The following CD300LD variants were observed in gnomAD, a reference collection of about 807,000 sequenced individuals.
CD300LD encodes CD300 molecule like family member d, also known as CMRF35-like molecule 5.
A neutral mutation model predicts 20.3 loss-of-function variants in CD300LD; 18 were observed. That is an observed-to-expected ratio of 0.89 (90% CI 0.61 to 1.32). The LOEUF (loss-of-function observed/expected upper bound fraction) is 1.32, where lower values mean the gene tolerates loss of function less well. Ranked by LOEUF, CD300LD falls within the 40% of genes most tolerant of loss-of-function variation. The probability of loss-of-function intolerance (pLI) is 0.00; values close to 1 mark genes in which losing one functional copy is unlikely to be tolerated. For synonymous variants in CD300LD, 104 were observed against 90.1 expected, an observed-to-expected ratio of 1.15 and a Z score of -0.87; for missense variants, 195 against 226.6, an observed-to-expected ratio of 0.86 and a Z score of 0.90.
At chr17:74,590,334 C>T (rs560174460) in intron 1 of CD300LD, among the ~76,000 whole-genome samples, 2 of 152,116 alleles carry the variant, frequency 1.3e-5, no homozygotes, top group South Asian at 2.1e-4. Flanking sequence ...TACTCAGTCT[C>T]GGGTATGTCC....
Position 74,592,163 on chromosome 17 carries a change from C to T in CD300LD, c.40G>A (p.Gly14Ser), listed in dbSNP as rs2030336228. ...GCCTTAAAGCTCCAGCCACACTCAC[C>T]TGGGAGGATGAGAAGCAGCAGAGAT... ...SPSLLLLILP[G>S]YSIAAKITGP... is the part of the protein sequence containing the mutation. Residue 14 changes from glycine (G) to serine (S), a missense_variant and splice_region_variant, in exon 1 of 4, where the codon GGT becomes AGT. Transcript: ENST00000375352. 6.2e-7 allele frequency: 1 copy of T among 1,614,192 alleles called. No individual in the cohort carries two copies. The highest frequency in any genetic ancestry group is 1.3e-5 in the African/African-American group (1 of 75,042).
In CD300LD at chr17:74,579,956, G is replaced by A. The variant is rs199922683; in HGVS notation, c.*46C>T. 4.6e-4 allele frequency: 565 copies of A among 1,219,784 alleles called. No homozygotes were observed. The highest frequency in any genetic ancestry group is 3.0e-3 in the Middle Eastern group (16 of 5,326). 75.6% of individuals were successfully genotyped at this position (1,219,784 alleles called of 1,614,324 possible). A position where few individuals can be genotyped will look rare whatever the true frequency, so the allele number is the denominator to read the frequency against. ...GAGGGCCTTTCGCCCTGGACAGGAC[G>A]TCAATGGGCATTGGGACTCTCATCA... On this transcript the variant is annotated 3_prime_UTR_variant, in exon 4 of 4. Coordinates refer to ENST00000375352, the MANE Select transcript of CD300LD (RefSeq NM_001115152.2).
At chr17:74,588,962 A>G in intron 1 of CD300LD, 113 bp from the exon 2 acceptor site, 1 of 707,102 alleles carries the variant, frequency 1.4e-6, no homozygotes, top group Non-Finnish European at 2.4e-6. Context: ...CAAGGAAGCA[A>G]TACATTTTCC....
intron 2 of CD300LD, 63 bp from the exon 3 acceptor site, chr17:74,582,374 C>A: frequency 1.4e-6 from 2 of 1,390,886 alleles, no homozygotes; most frequent in Non-Finnish European, 2.0e-6. Flanking sequence ...TGGCTGTGGC[C>A]CTAAGGCTTC....
chr17:74,581,555 G>A (rs1196040397), intron 3 of CD300LD, among the ~76,000 whole-genome samples: 2 of 152,192 alleles, frequency 1.3e-5, no homozygotes, highest in African/African-American at 2.4e-5. Flanking sequence ...GGGTGAGAAC[G>A]CCAAACTTCC....
intron 2 of CD300LD, among the ~76,000 whole-genome samples, chr17:74,585,253 G>A (rs950895979): frequency 6.6e-6 from 1 of 152,114 alleles, no homozygotes; most frequent in African/African-American, 2.4e-5. Context: ...TCACCAAAAA[G>A]GTCTTAAATT....
At chr17:74,583,393 A>T (rs2030081095) in intron 2 of CD300LD, among the ~76,000 whole-genome samples, 1 of 152,214 alleles carries the variant, frequency 6.6e-6, no homozygotes, top group Non-Finnish European at 1.5e-5. Flanking sequence ...CAACCGCAAG[A>T]AGGGGTAGCA....
chr17:74,585,385 G>T (rs1482320852), intron 2 of CD300LD, among the ~76,000 whole-genome samples: 2 of 151,996 alleles, frequency 1.3e-5, no homozygotes, highest in African/African-American at 2.4e-5. Context: ...AAAATATTTT[G>T]TCCCACCCAC....
chr17:74,591,817 CAAAAAA>C (rs140652199), intron 1 of CD300LD, among the ~76,000 whole-genome samples: 1 of 132,132 alleles, frequency 7.6e-6, no homozygotes, highest in Non-Finnish European at 1.6e-5. Flanking sequence ...GACACCAGCT[CAAAAAA>C]AAAAAAAAAA....
At chr17:74,589,284 G>C (rs1598132724) in intron 1 of CD300LD, among the ~76,000 whole-genome samples, 1 of 142,664 alleles carries the variant, frequency 7.0e-6, no homozygotes, top group Non-Finnish European at 1.6e-5. Context: ...TGGTGGCTCT[G>C]CTGTAGTTAA....
rs781360547 is a variant in CD300LD, at chr17:74,588,812, T to A, written c.78A>T (p.Thr26=). 5 of 1,613,132 alleles carry A rather than the reference T, an allele frequency of 3.1e-6. No individual in the cohort carries two copies. Among genetic ancestry groups the A allele is most frequent in the Admixed American group, 1.7e-5 (1 of 59,980 alleles). Residue 26 remains threonine, a synonymous_variant, in exon 2 of 4, where the codon ACA becomes ACT. Coordinates refer to ENST00000375352, the MANE Select transcript of CD300LD (RefSeq NM_001115152.2). Reference sequence around the variant, plus strand: ...ATGAGCCCTGCTCCGAGCCATTCACTGTTGTTGGACCAGTGATTTTAGCGG... The same window carrying A: ...ATGAGCCCTGCTCCGAGCCATTCACAGTTGTTGGACCAGTGATTTTAGCGG... ...SIAAKITGPT[T]VNGSEQGSLT... is the part of the protein sequence containing the mutation.
intron 2 of CD300LD, among the ~76,000 whole-genome samples, chr17:74,587,178 C>T (rs900485432): frequency 6.6e-6 from 1 of 152,086 alleles, no homozygotes; most frequent in African/African-American, 2.4e-5. Context: ...ATTATCCGGT[C>T]CTGAACTCAC....
At chr17:74,584,432 C>G (rs2030110201) in intron 2 of CD300LD, among the ~76,000 whole-genome samples, 1 of 152,106 alleles carries the variant, frequency 6.6e-6, no homozygotes, top group African/African-American at 2.4e-5. Flanking sequence ...TATGAGCGAA[C>G]AGAAAACTGT....
intron 1 of CD300LD, among the ~76,000 whole-genome samples, chr17:74,591,601 T>A (rs1364555901): frequency 6.6e-6 from 1 of 152,132 alleles, no homozygotes; most frequent in East Asian, 1.9e-4. Flanking sequence ...TGAAAGTTCA[T>A]AACATTATTA....
chr17:74,584,858 G>A, intron 2 of CD300LD: 1 of 153,992 alleles, frequency 6.5e-6, no homozygotes, highest in Non-Finnish European at 1.5e-5. Flanking sequence ...CAGAGAAAGA[G>A]AAACTGACAA....
intron 1 of CD300LD, among the ~76,000 whole-genome samples, chr17:74,591,066 C>A (rs2030300166): frequency 6.6e-6 from 1 of 151,584 alleles, no homozygotes; most frequent in Non-Finnish European, 1.5e-5. Context: ...CAGAGCACAC[C>A]CTGTCTCAGA....
At chr17:74,581,753 C>T (rs2030041437) in intron 3 of CD300LD, among the ~76,000 whole-genome samples, 1 of 152,214 alleles carries the variant, frequency 6.6e-6, no homozygotes, top group Non-Finnish European at 1.5e-5. Flanking sequence ...CATGTTCAGG[C>T]CCCTCTCCTG....
rs568893235 is a variant in CD300LD, at chr17:74,586,564, C to T, written c.379+1947G>A. Among the ~76,000 whole-genome samples, 4 of 152,212 alleles carry T rather than the reference C, an allele frequency of 2.6e-5. No individual in the cohort carries two copies. The South Asian group carries it at 8.3e-4, about 32-fold the overall frequency. ...GGCCCTATAAACAATGGAGGCATTC[C>T]CTGTCCAGCCCACAGCCCCATCTCA... On this transcript the variant is annotated intron_variant, in intron 2 of 3. Transcript: ENST00000375352.
intron 1 of CD300LD, among the ~76,000 whole-genome samples, chr17:74,591,482 G>A (rs1196089791): frequency 1.3e-5 from 2 of 152,032 alleles, no homozygotes; most frequent in African/African-American, 4.8e-5. Flanking sequence ...AAAAAGGTTT[G>A]ATGCTTCCTC....
Sources: allele counts gnomAD v4.1 joint callset (sites outside exome capture counted in the v4.1 genomes callset), GRCh38; gene constraint gnomAD v4.1.1; transcripts MANE v1.5; gene names NCBI Gene and HGNC (gene_info 2026-07-23, HGNC 2026-07-21).